TRPV2: variants seen among roughly 807,000 people sequenced by gnomAD.
TRPV2 encodes transient receptor potential cation channel subfamily V member 2.
Under a neutral mutation model 91.0 loss-of-function variants are expected in TRPV2, and 58 were observed. That is an observed-to-expected ratio of 0.64 (90% CI 0.52 to 0.79). The LOEUF is 0.79. TRPV2 is among the 30% of genes least tolerant of loss of function. TRPV2 has a pLI of 0.00. For synonymous variants in TRPV2, 417 were observed against 414.8 expected (o/e 1.01, Z -0.06); for missense variants, 807 against 969.6 (o/e 0.83, Z 2.23).
rs138460640 is a variant in TRPV2 at position 16,427,320 on chromosome 17, T to G, written c.1252-129T>G. On this transcript the variant is annotated intron_variant, in intron 7 of 14. Coordinates refer to ENST00000338560, the MANE Select transcript of TRPV2 (RefSeq NM_016113.5). ...TCCAGGGGTCCTTCCCTGGAGCCCA[T>G]GTTCCCATGCCGTTCTGAGGAGCCT... The G allele has an allele frequency of 9.3e-4, 739 of 796,430 alleles. 6 individuals carry two copies. The African/African-American group carries it at 0.011, about 12-fold the overall frequency. 49.3% of individuals were successfully genotyped at this position (796,430 alleles called of 1,614,324 possible). A position where few individuals can be genotyped will look rare whatever the true frequency, so the allele number is the denominator to read the frequency against.
At position 16,428,889 on chromosome 17, in the gene TRPV2, G is replaced by T. The variant is rs371770150; in HGVS notation, c.1494G>T (p.Leu498=). The change falls in exon 10 of 15, where the codon CTG becomes CTT. Residue 498 remains leucine, a synonymous_variant. Transcript: ENST00000338560. The part of the protein sequence containing the change: ...CFLAIEWYLP[L]LVSALVLGWL... ...TGGCCATCGAGTGGTACCTGCCCCT[G>T]CTTGTGTCTGCGCTGGTGCTGGGCT... The T allele has an allele frequency of 8.1e-6, 13 of 1,614,036 alleles. No individual in the cohort carries two copies. In the African/African-American group the frequency reaches 1.6e-4, roughly 20 times the overall value.
chr17:16,423,656 TG>T lies in TRPV2; in HGVS notation c.816del (p.Leu273SerfsTer26). On this transcript the variant is annotated frameshift_variant, in exon 5 of 15. Transcript: ENST00000338560. LOFTEE classifies it high-confidence loss of function. Reference sequence around the variant, plus strand: ...TTGCACTGGTGACCAGCATGTATGATGGGCTCCTCCAAGCTGGGGCCCGCCT... The same window carrying T: ...TTGCACTGGTGACCAGCATGTATGATGGCTCCTCCAAGCTGGGGCCCGCCT... ...NIALVTSMYD[G>X]LLQAGARLCP... The T allele has an allele frequency of 6.2e-7, 1 of 1,614,168 alleles. No individual in the cohort carries two copies. Among genetic ancestry groups the T allele is most frequent in the Non-Finnish European group, 8.5e-7 (1 of 1,180,032 alleles).
In TRPV2 at chr17:16,431,850, G is replaced by C. The variant is rs2093414014; in HGVS notation, c.1654G>C (p.Ala552Pro). ...AGTCTTCCTTTTCGGCTTCGCTGTA[G>C]GTAAAGGCTCCCTCCGGCCCCCTCC... Reference protein sequence around the residue: ...YLVFLFGFAVALVSLSQEAWR... With the variant: ...YLVFLFGFAVPLVSLSQEAWR... The change falls in exon 11 of 15, where the codon GCC (alanine) becomes CCC (proline). Residue 552 changes from alanine (A) to proline (P), a missense_variant and splice_region_variant. By Grantham distance (27) the Ala-to-Pro change is conservative. Coordinates refer to ENST00000338560, the MANE Select transcript of TRPV2 (RefSeq NM_016113.5). 6.2e-7 allele frequency: 1 copy of C among 1,614,066 alleles called. No homozygotes were observed. Among genetic ancestry groups the C allele is most frequent in the Non-Finnish European group, 8.5e-7 (1 of 1,180,012 alleles).
chr17:16,419,556 T>A (rs1057375620), intron 2 of TRPV2: 6 of 386,782 alleles, frequency 1.6e-5, no homozygotes, highest in South Asian at 9.6e-5. Context: ...TCCTTGTTTA[T>A]CTAATGGAGA....
Position 16,426,436 on chromosome 17 carries a change from A to T in TRPV2, c.1095+167A>T, listed in dbSNP as rs878987247. ...CCCTGACCATGGCCACCGGGCCCATACTCAATCCATACTCTAGTCCCATCC... is the reference window on the plus strand; with the variant it reads ...CCCTGACCATGGCCACCGGGCCCATTCTCAATCCATACTCTAGTCCCATCC... On this transcript the variant is annotated intron_variant, in intron 6 of 14. Transcript: ENST00000338560. The surrounding 1 kb of genome is among the most constrained non-coding windows in gnomAD (Gnocchi z 6.0). Among the ~76,000 whole-genome samples the T allele has an allele frequency of 6.6e-6, 1 of 152,054 alleles. No individual in the cohort carries two copies. The highest frequency in any genetic ancestry group is 6.5e-5 in the Admixed American group (1 of 15,276).
chr17:16,421,792 A>G lies in TRPV2; in HGVS notation c.335-807A>G, dbSNP rs144832442. On this transcript the variant is annotated intron_variant, in intron 3 of 14. Coordinates refer to ENST00000338560, the MANE Select transcript of TRPV2 (RefSeq NM_016113.5). ...CTTGGCCTCCCAAAGTGTTGGGATTACAGGCGTGAGCCACTGCGCCTGGCC... is the reference window on the plus strand; with the variant it reads ...CTTGGCCTCCCAAAGTGTTGGGATTGCAGGCGTGAGCCACTGCGCCTGGCC... Among the ~76,000 whole-genome samples the G allele has an allele frequency of 2.9e-3, 433 of 150,850 alleles. 3 individuals carry two copies. The highest frequency in any genetic ancestry group is 9.6e-3 in the African/African-American group (394 of 41,240).
At chr17:16,434,799 G>C in intron 13 of TRPV2, 91 bp from the exon 14 acceptor site, 3 of 1,244,438 alleles carry the variant, frequency 2.4e-6, no homozygotes, top group Non-Finnish European at 3.5e-6. Context: ...TCTCTGCATA[G>C]TCTCCCAATT....
intron 5 of TRPV2, among the ~76,000 whole-genome samples, chr17:16,425,094 G>A (rs1461091681): frequency 7.1e-6 from 1 of 140,834 alleles, no homozygotes; most frequent in African/African-American, 2.7e-5. Context: ...GCGCGATCTC[G>A]GCTAACTGCA....
chr17:16,421,578 G>A (rs1183622031), intron 3 of TRPV2, among the ~76,000 whole-genome samples: 2 of 139,604 alleles, frequency 1.4e-5, no homozygotes, highest in African/African-American at 5.5e-5. Context: ...CTGGAGTGCA[G>A]TGGCGTGATC....
chr17:16,431,291 A>ATATATATTTT (rs1333090555), intron 10 of TRPV2, among the ~76,000 whole-genome samples: 1 of 67,390 alleles, frequency 1.5e-5, no homozygotes, highest in Admixed American at 2.0e-4. Context: ...ATATATACAT[A>ATATATATTTT]TTTTTTTTTT....
chr17:16,425,152 G>A (rs2093377307), intron 5 of TRPV2, among the ~76,000 whole-genome samples: 1 of 151,518 alleles, frequency 6.6e-6, no homozygotes, highest in Non-Finnish European at 1.5e-5. Flanking sequence ...AGCCTCCCGA[G>A]TAGCTGGGAT....
At position 16,417,796 on chromosome 17, in the gene TRPV2, T is replaced by C. The variant is rs1194070891; in HGVS notation, c.128T>C (p.Phe43Ser). 6.2e-7 allele frequency: 1 copy of C among 1,614,148 alleles called. No individual in the cohort carries two copies. Among genetic ancestry groups the C allele is most frequent in the Non-Finnish European group, 8.5e-7 (1 of 1,180,026 alleles). The stretch of plus-strand genomic sequence containing the variant: ...GGGCTGCCTCCCATGGAGTCACAGT[T>C]CCAGGGCGAGGACCGGAAATTCGCC... The part of the protein sequence containing the change: ...GSGLPPMESQ[F>S]QGEDRKFAPQ... Residue 43 changes from phenylalanine (F) to serine (S), a missense_variant, in exon 2 of 15, where the codon TTC becomes TCC. By Grantham distance (155) the Phe-to-Ser change is radical. Transcript: ENST00000338560.
intron 10 of TRPV2, among the ~76,000 whole-genome samples, chr17:16,430,845 C>T (rs976970586): frequency 2.6e-5 from 4 of 151,508 alleles, no homozygotes; most frequent in Non-Finnish European, 4.4e-5. Flanking sequence ...ACATTTTGTG[C>T]GTCCATTCAT....
intron 2 of TRPV2, chr17:16,419,353 G>A (rs1230646585): frequency 6.4e-6 from 3 of 470,982 alleles, no homozygotes; most frequent in South Asian, 1.5e-5. Context: ...CTCATTAGGT[G>A]TGCCTTCTTG....
At chr17:16,434,835 T>A (rs1239579532) in intron 13 of TRPV2, 55 bp from the exon 14 acceptor site, 6 of 1,535,198 alleles carry the variant, frequency 3.9e-6, no homozygotes, top group Non-Finnish European at 5.4e-6. Flanking sequence ...CTCTCCGGGG[T>A]GGGAGGGGAG....
At chr17:16,417,130 C>T (rs1357388247) in intron 1 of TRPV2, among the ~76,000 whole-genome samples, 1 of 152,228 alleles carries the variant, frequency 6.6e-6, no homozygotes, top group Non-Finnish European at 1.5e-5. Flanking sequence ...CTCCTCACCC[C>T]TGCTGCTCAT....
rs758324425 is a variant in TRPV2 at position 16,426,685 on chromosome 17, G to A, written c.1096-37G>A. 1.9e-6 allele frequency: 3 copies of A among 1,596,570 alleles called. No individual in the cohort carries two copies. The highest frequency in any genetic ancestry group is 2.6e-6 in the Non-Finnish European group (3 of 1,172,142). ...TGGAGTGGGCAGCCTATTTGCACTT[G>A]TTGAGTGTACCCATGGCTCTCCCCT... is the stretch of plus-strand genomic sequence containing the variant. On this transcript the variant is annotated intron_variant, in intron 6 of 14. Coordinates refer to ENST00000338560, the MANE Select transcript of TRPV2 (RefSeq NM_016113.5). This position sits in a 1 kb window ranked among gnomAD's most constrained non-coding sequence, Gnocchi z 6.0.
At chr17:16,431,881 C>T (rs773191450) in intron 11 of TRPV2, 31 bp downstream of exon 11, 1 of 1,613,834 alleles carries the variant, frequency 6.2e-7, no homozygotes, top group Non-Finnish European at 8.5e-7. Context: ...CCTCCCCCTT[C>T]CCCACGTTCC....
intron 9 of TRPV2, 25 bp downstream of exon 9, chr17:16,428,412 C>G: frequency 6.2e-7 from 1 of 1,611,322 alleles, no homozygotes; most frequent in Non-Finnish European, 8.5e-7. Context: ...ACTCCTCCTT[C>G]TCTCAACTGT....
Sources: gnomAD v4.1 joint callset for allele counts (sites outside exome capture counted in the v4.1 genomes callset) on GRCh38, gnomAD v4.1.1 for gene constraint, Gnocchi (gnomAD v3.1) non-coding constraint, MANE v1.5 for transcripts, NCBI Gene and HGNC (gene_info 2026-07-23, HGNC 2026-07-21) for gene names.